SENP1: variants seen among roughly 807,000 people sequenced by gnomAD.
SENP1 encodes the protein sentrin-specific protease 1.
SENP1 carries 21 observed loss-of-function variants against 93.0 expected under a neutral mutation model. The ratio of observed to expected loss-of-function variants is 0.23; its 90% CI spans 0.16 to 0.33. The LOEUF is 0.33. Among genes scored for constraint, SENP1 ranks in the 10% least tolerant of loss-of-function variants. The pLI, the probability that SENP1 is intolerant of heterozygous loss-of-function variation, is 1.00. For missense variants in SENP1, 591 were observed against 758.7 expected, an observed-to-expected ratio of 0.78 and a Z score of 2.60; for synonymous variants, 256 against 259.6, an observed-to-expected ratio of 0.99 and a Z score of 0.13.
At chr12:48,087,632 C>T (rs1451533762) in intron 5 of SENP1, among the ~76,000 whole-genome samples, 3 of 152,190 alleles carry the variant, frequency 2.0e-5, no homozygotes, top group African/African-American at 7.2e-5. Flanking sequence ...GTCAAGGGAT[C>T]TTCAGCTTTG....
chr12:48,082,328 T>C (rs764523567), intron 6 of SENP1, among the ~76,000 whole-genome samples: 9 of 152,220 alleles, frequency 5.9e-5, no homozygotes, highest in Non-Finnish European at 1.3e-4. Context: ...CTTGACTCCA[T>C]GCTCAGTAAG....
rs975146330 is a variant in SENP1 at position 48,089,002 on chromosome 12, G to A, written c.221-42C>T. 2.5e-6 allele frequency: 4 copies of A among 1,576,260 alleles called. No individual in the cohort carries two copies. In the African/African-American group the frequency reaches 5.5e-5, roughly 22 times the overall value. ...TTGAATAAATTAAACAAATTCTACA[G>A]GTGGTTCTCCTTATGACTGCAACCA... On this transcript the variant is annotated intron_variant, in intron 4 of 17. Transcript: ENST00000549518.
intron 13 of SENP1, among the ~76,000 whole-genome samples, chr12:48,052,960 C>T (rs1941927577): frequency 6.6e-6 from 1 of 152,180 alleles, no homozygotes. Flanking sequence ...TAATTTATTT[C>T]ATTTTGCCTA....
At position 48,057,095 on chromosome 12, in the gene SENP1, TA is replaced by T. The variant is rs535050998; in HGVS notation, c.1407+6614del. On this transcript the variant is annotated intron_variant, in intron 13 of 17. Coordinates refer to ENST00000549518, the MANE Select transcript of SENP1 (RefSeq NM_001267594.2). Reference sequence around the variant, plus strand: ...TTTAATATATTATATATTACATATATAAATATATTATTTAATATATTATATA... The same window carrying T: ...TTTAATATATTATATATTACATATATAATATATTATTTAATATATTATATA... 5.0e-4 allele frequency among the ~76,000 whole-genome samples: 26 copies of T among 52,058 alleles called. 8 individuals carry two copies. Among genetic ancestry groups the T allele is most frequent in the South Asian group, 2.4e-3 (4 of 1,648 alleles). 34.2% of individuals were successfully genotyped at this position (52,058 alleles called of 152,430 possible).
intron 2 of SENP1, among the ~76,000 whole-genome samples, chr12:48,099,616 T>C (rs553338763): frequency 1.3e-5 from 2 of 152,242 alleles, no homozygotes; most frequent in South Asian, 2.1e-4. Context: ...GGCCAGGAGT[T>C]TGAGACCAGC....
chr12:48,104,722 A>G (rs1388398951), intron 1 of SENP1, among the ~76,000 whole-genome samples: 1 of 152,232 alleles, frequency 6.6e-6, no homozygotes, highest in East Asian at 1.9e-4. Flanking sequence ...GAAAAGGACA[A>G]GAGTTCCAAA....
intron 1 of SENP1, chr12:48,105,379 AAG>A (rs1474411377): frequency 5.8e-6 from 3 of 519,034 alleles, no homozygotes; most frequent in African/African-American, 5.8e-5. Flanking sequence ...TACACCAAGA[AAG>A]AGACGGTTCA....
chr12:48,072,681 GTTT>G (rs1943790674), intron 8 of SENP1, among the ~76,000 whole-genome samples: 2 of 151,992 alleles, frequency 1.3e-5, no homozygotes, highest in South Asian at 4.1e-4. Flanking sequence ...AAAGGTTAAA[GTTT>G]TTGATTTAAT....
Position 48,046,950 on chromosome 12 carries a change from AC to A in SENP1, c.1776+27del, listed in dbSNP as rs763978966. ...CCTCCCCAAATACCCTACTTTTAGG[AC>A]TTTTATTTCATCAAGATGAAAGGTA... is the stretch of plus-strand genomic sequence containing the variant. On this transcript the variant is annotated intron_variant, in intron 16 of 17. Transcript: ENST00000549518. 38 of 1,483,538 alleles carry A rather than the reference AC, an allele frequency of 2.6e-5. 1 individual carries two copies. Among genetic ancestry groups the A allele is most frequent in the Non-Finnish European group, 3.5e-5 (37 of 1,063,792 alleles). The allele number at this position is 1,483,538 out of a possible 1,614,324, so 91.9% of individuals were successfully genotyped here.
chr12:48,069,638 GTAAGT>G (rs1339904554), intron 9 of SENP1, among the ~76,000 whole-genome samples: 1 of 152,174 alleles, frequency 6.6e-6, no homozygotes, highest in Non-Finnish European at 1.5e-5. Flanking sequence ...TGTTTTATCT[GTAAGT>G]TAATCTTCAC....
chr12:48,057,663 T>G (rs1473562297), intron 13 of SENP1, among the ~76,000 whole-genome samples: 1 of 150,140 alleles, frequency 6.7e-6, no homozygotes, highest in Admixed American at 6.6e-5. Flanking sequence ...CAGGCTGGAG[T>G]ACAGTGGCGC....
At chr12:48,105,636 G>A (rs903227824) in intron 1 of SENP1, 1 of 430,574 alleles carries the variant, frequency 2.3e-6, no homozygotes. Flanking sequence ...AGAAAGCCGA[G>A]CTTCCCGGTG....
intron 14 of SENP1, among the ~76,000 whole-genome samples, chr12:48,048,285 A>C (rs1941526702): frequency 6.6e-6 from 1 of 152,228 alleles, no homozygotes; most frequent in African/African-American, 2.4e-5. Context: ...GGCACTCATC[A>C]ACAGGTGGCC....
intron 9 of SENP1, among the ~76,000 whole-genome samples, chr12:48,068,297 T>C (rs955034349): frequency 2.6e-5 from 4 of 152,220 alleles, no homozygotes; most frequent in Non-Finnish European, 5.9e-5. Context: ...AGAGATGCAT[T>C]ATTTCTCATA....
intron 6 of SENP1, among the ~76,000 whole-genome samples, chr12:48,077,396 T>C (rs1176872841): frequency 6.6e-6 from 1 of 152,248 alleles, no homozygotes; most frequent in Non-Finnish European, 1.5e-5. Flanking sequence ...TTAGAGTTTC[T>C]AGTCTTAAAG....
At chr12:48,057,578 A>C (rs921891323) in intron 13 of SENP1, among the ~76,000 whole-genome samples, 1 of 117,072 alleles carries the variant, frequency 8.5e-6, no homozygotes, top group African/African-American at 3.3e-5. Flanking sequence ...TATATAACAT[A>C]TATTACCTAT....
rs1186081528 is a variant in SENP1 at position 48,045,373 on chromosome 12, T to C, written c.1884A>G (p.Pro628=). 3.1e-6 allele frequency: 5 copies of C among 1,613,626 alleles called. No individual in the cohort carries two copies. Among genetic ancestry groups the C allele is most frequent in the East Asian group, 2.2e-5 (1 of 44,884 alleles). Reference sequence around the variant, plus strand: ...CCCAGACCATCCGCTTCCGGAAGTATGGCATGTGTTGCTGTAGGGACACAG... The same window carrying C: ...CCCAGACCATCCGCTTCCGGAAGTACGGCATGTGTTGCTGTAGGGACACAG... ...RPINFTQQHM[P]YFRKRMVWEI... Residue 628 remains proline, a synonymous_variant, in exon 18 of 18, where the codon CCA becomes CCG. Transcript: ENST00000549518.
At chr12:48,089,801 A>G (rs1222348645) in intron 4 of SENP1, among the ~76,000 whole-genome samples, 1 of 152,238 alleles carries the variant, frequency 6.6e-6, no homozygotes, top group Admixed American at 6.5e-5. Flanking sequence ...CAGTGAAAAC[A>G]CAAGAATAAT....
Position 48,074,546 on chromosome 12 carries a change from A to G in SENP1, c.718T>C (p.Ser240Pro), listed in dbSNP as rs756560232. 5.7e-5 allele frequency: 92 copies of G among 1,613,654 alleles called. No individual in the cohort carries two copies. Among genetic ancestry groups the G allele is most frequent in the Admixed American group, 1.3e-4 (8 of 59,986 alleles). Residue 240 changes from serine (S) to proline (P), a missense_variant, in exon 8 of 18, where the codon TCT becomes CCT. Coordinates refer to ENST00000549518, the MANE Select transcript of SENP1 (RefSeq NM_001267594.2). ...LKDSLFKNGNSCASQIIGSDT... is the reference protein window; with the variant it reads ...LKDSLFKNGNPCASQIIGSDT... ...GAGCCAATGATCTGAGATGCACAAG[A>G]GTTTCCATTTTTAAACAGTGAGTCT... is the stretch of plus-strand genomic sequence containing the variant.
Sources: gnomAD v4.1 joint callset for allele counts (sites outside exome capture counted in the v4.1 genomes callset) on GRCh38, gnomAD v4.1.1 for gene constraint, MANE v1.5 for transcripts, NCBI Gene and HGNC (gene_info 2026-07-23, HGNC 2026-07-21) for gene names.